TNXB: variants seen among roughly 807,000 people sequenced by gnomAD.
TNXB encodes the protein tenascin XB.
Under a neutral mutation model 340.5 loss-of-function variants are expected in TNXB, and 183 were observed. The ratio of observed to expected loss-of-function variants is 0.54; its 90% CI spans 0.48 to 0.61. The LOEUF is 0.61. TNXB is among the 20% of genes least tolerant of loss of function. TNXB has a pLI of 0.00. For missense variants in TNXB, 4,613 were observed against 5,446.4 expected (o/e 0.85, Z 4.82); for synonymous variants, 2,121 against 2,314.5 (o/e 0.92, Z 2.40).
chr6:32,092,298 G>A lies in TNXB; in HGVS notation c.2358+2778C>T, dbSNP rs542067883. On this transcript the variant is annotated intron_variant, in intron 4 of 43. Transcript: ENST00000644971. ...CAGGGAACACACTTTGAGAACCACT[G>A]AGTCAGAGTAACAGTGCCACATATA... 1.1e-4 allele frequency among the ~76,000 whole-genome samples: 17 copies of A among 152,318 alleles called. 1 individual carries two copies. The South Asian group carries it at 3.5e-3, about 32-fold the overall frequency.
At chr6:32,044,300 C>G (rs1776681172) in intron 33 of TNXB, 81 bp downstream of exon 33, 2 of 487,448 alleles carry the variant, frequency 4.1e-6, no homozygotes, top group Non-Finnish European at 7.0e-6. Flanking sequence ...TCGCCCACCC[C>G]CACCGCTGGC....
chr6:32,101,855 C>G (rs1002276798), intron 1 of TNXB, among the ~76,000 whole-genome samples: 31 of 152,184 alleles, frequency 2.0e-4, no homozygotes, highest in African/African-American at 6.5e-4. Flanking sequence ...TCCAGAGTAG[C>G]TGGAACTACA....
chr6:32,068,689 G>A lies in TNXB; in HGVS notation c.5921C>T (p.Pro1974Leu). The change falls in exon 17 of 44, where the codon CCT becomes CTT. Residue 1974 changes from proline to leucine, a missense_variant. Physicochemically the swap from Pro to Leu is moderately conservative, Grantham distance 98. Transcript: ENST00000644971. This position sits in a 1 kb window ranked among gnomAD's most constrained non-coding sequence, Gnocchi z 5.3. ...EALTVPEEEK[P>L]SEPPTATPEP... is the part of the protein sequence containing the mutation. ...GGGGGTTGCGGTGGGAGGTTCTGAA[G>A]GCTTCTCCTCCTCCGGGACTGGACA... is the stretch of plus-strand genomic sequence containing the variant. The A allele has an allele frequency of 6.2e-7, 1 of 1,613,700 alleles. No homozygotes were observed. The highest frequency in any genetic ancestry group is 8.5e-7 in the Non-Finnish European group (1 of 1,179,718).
Position 32,072,318 on chromosome 6 carries a change from A to G in TNXB, c.4682-20T>C, listed in dbSNP as rs773251434. On this transcript the variant is annotated intron_variant, in intron 12 of 43. Coordinates refer to ENST00000644971, the MANE Select transcript of TNXB (RefSeq NM_001365276.2). The surrounding 1 kb of genome is among the most constrained non-coding windows in gnomAD (Gnocchi z 4.4). ...GGGGAGCTGGGATTTGGGAAGACAA[A>G]GAACATGGTTGAGATCTCTGAGGGG... 3.2e-6 allele frequency: 5 copies of G among 1,581,650 alleles called. No individual in the cohort carries two copies. The South Asian group carries it at 4.6e-5, about 15-fold the overall frequency.
In TNXB at chr6:32,087,614, G is replaced by A; in HGVS notation, c.2779+1171C>T. Reference sequence around the variant, plus strand: ...GTGCCGGGATCAGGGCTGGCGGTGGGGCGGGGGTGGCGGGGCGGGGGTGCG... The same window carrying A: ...GTGCCGGGATCAGGGCTGGCGGTGGAGCGGGGGTGGCGGGGCGGGGGTGCG... On this transcript the variant is annotated intron_variant, in intron 6 of 43. Transcript: ENST00000644971. This position sits in a 1 kb window ranked among gnomAD's most constrained non-coding sequence, Gnocchi z 9.0. The A allele has an allele frequency of 2.5e-6, 1 of 393,180 alleles. No homozygotes were observed. 24.4% of individuals were successfully genotyped at this position (393,180 alleles called of 1,614,324 possible). A position where few individuals can be genotyped will look rare whatever the true frequency, so the allele number is the denominator to read the frequency against.
chr6:32,069,541 C>T lies in TNXB; in HGVS notation c.5587+12G>A, dbSNP rs1200240282. The T allele has an allele frequency of 1.3e-6, 2 of 1,547,550 alleles. No individual in the cohort carries two copies. Among genetic ancestry groups the T allele is most frequent in the Non-Finnish European group, 1.7e-6 (2 of 1,143,426 alleles). On this transcript the variant is annotated intron_variant, in intron 15 of 43. Coordinates refer to ENST00000644971, the MANE Select transcript of TNXB (RefSeq NM_001365276.2). This position sits in a 1 kb window ranked among gnomAD's most constrained non-coding sequence, Gnocchi z 6.2. ...GAAGGAGGCACAGGTGTTCCAGCTG[C>T]CGCACACTCACCAGTAATGGCGACG...
chr6:32,100,636 G>A (rs1021465968), intron 1 of TNXB, among the ~76,000 whole-genome samples: 1 of 152,044 alleles, frequency 6.6e-6, no homozygotes. Context: ...TGAGGTGGGA[G>A]GATTACTTGA....
Position 32,069,011 on chromosome 6 carries a change from CA to C in TNXB, c.5712del (p.Glu1905ArgfsTer23), listed in dbSNP as rs1562828539. ...ATTTCGAAGGAGTCAAATTCTCCCTCAGTCACCATCCAGGAGAGATGCAGGG... is the reference window on the plus strand; with the variant it reads ...ATTTCGAAGGAGTCAAATTCTCCCTCGTCACCATCCAGGAGAGATGCAGGG... ...SHTLHLSWMV[T>X]EGEFDSFEIQ... On this transcript the variant is annotated frameshift_variant, in exon 16 of 44. Coordinates refer to ENST00000644971, the MANE Select transcript of TNXB (RefSeq NM_001365276.2). LOFTEE classifies it high-confidence loss of function. This position sits in a 1 kb window ranked among gnomAD's most constrained non-coding sequence, Gnocchi z 6.2. 1.2e-6 allele frequency: 2 copies of C among 1,612,864 alleles called. No individual in the cohort carries two copies. The highest frequency in any genetic ancestry group is 1.7e-6 in the Non-Finnish European group (2 of 1,179,884).
In TNXB at chr6:32,072,258, A is replaced by T; in HGVS notation, c.4722T>A (p.Pro1574=). 1 of 1,606,348 alleles carries T rather than the reference A, an allele frequency of 6.2e-7. No homozygotes were observed. Among genetic ancestry groups the T allele is most frequent in the Middle Eastern group, 1.7e-4 (1 of 6,046 alleles). Residue 1574 remains proline (P), a synonymous_variant, in exon 13 of 44, where the codon CCT becomes CCA. Coordinates refer to ENST00000644971, the MANE Select transcript of TNXB (RefSeq NM_001365276.2). The surrounding 1 kb of genome is among the most constrained non-coding windows in gnomAD (Gnocchi z 4.4). ...PPAPATEASK[P]PLEPRLGELT... ...GCTCCCCTAGGCGTGGCTCCAGGGG[A>T]GGCTTGGAGGCCTCTGTGGCTGGGG...
In TNXB at chr6:32,047,541, G is replaced by A. The variant is rs1776970154; in HGVS notation, c.10324+193C>T. Among the ~76,000 whole-genome samples, 1 of 152,216 alleles carries A rather than the reference G, an allele frequency of 6.6e-6. No homozygotes were observed. Among genetic ancestry groups the A allele is most frequent in the African/African-American group, 2.4e-5 (1 of 41,456 alleles). On this transcript the variant is annotated intron_variant, in intron 30 of 43. Coordinates refer to ENST00000644971, the MANE Select transcript of TNXB (RefSeq NM_001365276.2). This position sits in a 1 kb window ranked among gnomAD's most constrained non-coding sequence, Gnocchi z 6.2. ...AGCCCGTGTCCCTTTTATTTCCTCA[G>A]CAGTCAGCGAATGAAAGGAAGTAAT... is the stretch of plus-strand genomic sequence containing the variant.
Position 32,044,489 on chromosome 6 carries a change from C to A in TNXB, c.11155G>T (p.Val3719Leu), listed in dbSNP as rs1347199944. The A allele has an allele frequency of 4.8e-6, 2 of 417,354 alleles. No individual in the cohort carries two copies. Among genetic ancestry groups the A allele is most frequent in the South Asian group, 4.6e-5 (2 of 43,040 alleles). 25.9% of individuals were successfully genotyped at this position (417,354 alleles called of 1,614,324 possible). A position where few individuals can be genotyped will look rare whatever the true frequency, so the allele number is the denominator to read the frequency against. The part of the protein sequence containing the change: ...LMVPGTRHSA[V>L]LRDLRSGTLY... ...GTCCCGGAACGCAGGTCCCGGAGCA[C>A]GGCCGAGTGCCGCGTCCCCGGCACC... The change falls in exon 33 of 44, where the codon GTG becomes TTG. Residue 3719 changes from valine (V) to leucine (L), a missense_variant. Coordinates refer to ENST00000644971, the MANE Select transcript of TNXB (RefSeq NM_001365276.2).
In TNXB at chr6:32,097,215, C is replaced by T; in HGVS notation, c.638G>A (p.Cys213Tyr). 6.3e-7 allele frequency: 1 copy of T among 1,599,294 alleles called. No individual in the cohort carries two copies. ...GTCCCCGGGACAGGATGGCCAGCCA[C>T]AGCTGGGGCCAGTGTAGCCGGGAAA... The part of the protein sequence containing the change: ...VCFPGYTGPS[C>Y]GWPSCPGDCQ... The change falls in exon 3 of 44, where the codon TGT becomes TAT. Residue 213 changes from cysteine to tyrosine, a missense_variant. Physicochemically the swap from Cys to Tyr is radical, Grantham distance 194 (BLOSUM62 -2). Coordinates refer to ENST00000644971, the MANE Select transcript of TNXB (RefSeq NM_001365276.2). This position sits in a 1 kb window ranked among gnomAD's most constrained non-coding sequence, Gnocchi z 5.9.
Position 32,085,728 on chromosome 6 carries a change from C to G in TNXB, c.3148+22G>C. On this transcript the variant is annotated intron_variant, in intron 7 of 43. Transcript: ENST00000644971. The surrounding 1 kb of genome is among the most constrained non-coding windows in gnomAD (Gnocchi z 6.4). ...CCTCCCCCAATCTCAGGATATTGAT[C>G]TGAGCAGAGTCCAAGATGTACCCAT... 6.6e-7 allele frequency: 1 copy of G among 1,508,098 alleles called. No homozygotes were observed. The highest frequency in any genetic ancestry group is 8.9e-7 in the Non-Finnish European group (1 of 1,128,398). The allele number at this position is 1,508,098 out of a possible 1,614,324, so 93.4% of individuals were successfully genotyped here.
intron 1 of TNXB, among the ~76,000 whole-genome samples, chr6:32,107,834 T>G (rs1781055607): frequency 6.6e-6 from 1 of 152,038 alleles, no homozygotes. Context: ...CAGTTGAATC[T>G]GGCAATGAGA....
chr6:32,048,619 G>T lies in TNXB; in HGVS notation c.9789C>A (p.Pro3263=). 1 of 1,515,554 alleles carries T rather than the reference G, an allele frequency of 6.6e-7. No homozygotes were observed. The allele number at this position is 1,515,554 out of a possible 1,614,324, so 93.9% of individuals were successfully genotyped here. A position where few individuals can be genotyped will look rare whatever the true frequency, so the allele number is the denominator to read the frequency against. Residue 3263 remains proline (P), a synonymous_variant, in exon 29 of 44, where the codon CCC becomes CCA. Coordinates refer to ENST00000644971, the MANE Select transcript of TNXB (RefSeq NM_001365276.2). ...APLPTPLPVE[P]RLGELAVAAV... ...CCGCCACCGCCAGCTCCCCCAGGCG[G>T]GGCTCCACCGGCAGTGGTGTGGGCA...
At chr6:32,056,381 C>A (rs531539432) in intron 23 of TNXB, among the ~76,000 whole-genome samples, 130 of 152,220 alleles carry the variant, frequency 8.5e-4, no homozygotes, top group Non-Finnish European at 1.3e-3. Context: ...GGGACAGTCA[C>A]CAGCACAGCA....
Position 32,052,703 on chromosome 6 carries a change from G to A in TNXB, c.9082C>T (p.Arg3028Cys). 8 of 1,613,582 alleles carry A rather than the reference G, an allele frequency of 5.0e-6. No individual in the cohort carries two copies. In the South Asian group the frequency reaches 7.7e-5, roughly 16 times the overall value. The change falls in exon 26 of 44, where the codon CGC (arginine) becomes TGC (cysteine). Residue 3028 changes from arginine (R) to cysteine (C), a missense_variant. This residue lies in a region of TNXB where 4,327 missense variants were observed against 4,859.4 expected (regional missense o/e 0.89). Transcript: ENST00000644971. The surrounding 1 kb of genome is among the most constrained non-coding windows in gnomAD (Gnocchi z 4.7). ...MHLYGLHEGQ[R>C]VGPVSAVGVT... ...CCCACAGCGGACACTGGGCCCACGC[G>A]CTGCCCCTCGTGGAGGCCGTACAGG...
intron 6 of TNXB, among the ~76,000 whole-genome samples, chr6:32,086,979 A>G (rs1256194179): frequency 6.6e-6 from 1 of 152,052 alleles, no homozygotes; most frequent in Non-Finnish European, 1.5e-5. Flanking sequence ...TAAAATAACA[A>G]TCCTGGAAGT....
chr6:32,074,783 C>T lies in TNXB; in HGVS notation c.4376-831G>A, dbSNP rs1420730729. Among the ~76,000 whole-genome samples, 1 of 152,150 alleles carries T rather than the reference C, an allele frequency of 6.6e-6. No individual in the cohort carries two copies. Among genetic ancestry groups the T allele is most frequent in the Non-Finnish European group, 1.5e-5 (1 of 68,026 alleles). On this transcript the variant is annotated intron_variant, in intron 11 of 43. Coordinates refer to ENST00000644971, the MANE Select transcript of TNXB (RefSeq NM_001365276.2). This position sits in a 1 kb window ranked among gnomAD's most constrained non-coding sequence, Gnocchi z 5.5. ...GCAACCTACGCCTCCTGGGTTCAAG[C>T]GATTCTCCTGCCTTAGCCTCCTGAG...
Sources: allele counts gnomAD v4.1 joint callset (sites outside exome capture counted in the v4.1 genomes callset), GRCh38; gene constraint gnomAD v4.1.1; regional missense constraint gnomAD v4.1.1; non-coding constraint Gnocchi (gnomAD v3.1); transcripts MANE v1.5; gene names NCBI Gene and HGNC (gene_info 2026-07-23, HGNC 2026-07-21).